The following LPP variants were observed in gnomAD, a reference collection of about 807,000 sequenced individuals.
LPP encodes lipoma-preferred partner.
A neutral mutation model predicts 60.4 loss-of-function variants in LPP; 38 were observed. That is an observed-to-expected ratio of 0.63 (90% CI 0.49 to 0.83). LPP has a LOEUF of 0.83. LPP is among the 40% of genes least tolerant of loss of function. The pLI is 0.00. For synonymous variants in LPP, 328 were observed against 290.8 expected (o/e 1.13, Z -1.30); for missense variants, 902 against 783.6 (o/e 1.15, Z -1.80).
intron 3 of LPP, among the ~76,000 whole-genome samples, chr3:188,350,550 A>G (rs553777662): frequency 2.6e-5 from 4 of 152,292 alleles, no homozygotes; most frequent in Non-Finnish European, 5.9e-5. Context: ...TCTATCTGCA[A>G]AATATGAGCT....
At chr3:188,395,723 C>T (rs939620368) in intron 3 of LPP, among the ~76,000 whole-genome samples, 1 of 150,972 alleles carries the variant, frequency 6.6e-6, no homozygotes, top group Non-Finnish European at 1.5e-5. Flanking sequence ...CCCAGGAGTT[C>T]GAGACTAGTG....
intron 9 of LPP, among the ~76,000 whole-genome samples, chr3:188,845,377 G>A (rs1761134142): frequency 6.6e-6 from 1 of 152,188 alleles, no homozygotes; most frequent in Non-Finnish European, 1.5e-5. Flanking sequence ...GGGGTTATGG[G>A]GGCTGGACAG....
intron 5 of LPP, among the ~76,000 whole-genome samples, chr3:188,512,594 A>AATAG (rs1441186659): frequency 6.6e-6 from 1 of 151,184 alleles, no homozygotes; most frequent in Non-Finnish European, 1.5e-5. Context: ...TAAATAAATA[A>AATAG]AGTTCCCACC....
At chr3:188,351,748 G>A (rs1210026997) in intron 3 of LPP, among the ~76,000 whole-genome samples, 2 of 152,150 alleles carry the variant, frequency 1.3e-5, no homozygotes, top group South Asian at 2.1e-4. Flanking sequence ...CCTAGAACAC[G>A]GGTGTAGGGC....
intron 10 of LPP, among the ~76,000 whole-genome samples, chr3:188,870,754 C>T (rs567557405): frequency 2.0e-5 from 3 of 152,270 alleles, no homozygotes; most frequent in South Asian, 4.1e-4. Context: ...GAATTGCTAT[C>T]GGAGGAACAC....
intron 2 of LPP, among the ~76,000 whole-genome samples, chr3:188,246,017 A>G (rs938205662): frequency 3.3e-5 from 5 of 152,230 alleles, no homozygotes; most frequent in South Asian, 4.1e-4. Context: ...GACTGATACC[A>G]TAAAATCGTG....
intron 7 of LPP, among the ~76,000 whole-genome samples, chr3:188,650,676 G>A (rs1358281137): frequency 2.6e-5 from 4 of 152,118 alleles, no homozygotes; most frequent in African/African-American, 7.2e-5. Flanking sequence ...AAATTGGTTG[G>A]CAGAGCAATA....
At chr3:188,315,200 T>C (rs1754678393) in intron 2 of LPP, among the ~76,000 whole-genome samples, 1 of 152,152 alleles carries the variant, frequency 6.6e-6, no homozygotes, top group Admixed American at 6.5e-5. Flanking sequence ...TGTAAAATAA[T>C]TTCTCATGAT....
At chr3:188,817,697 T>G (rs1317933972) in intron 9 of LPP, among the ~76,000 whole-genome samples, 2 of 152,134 alleles carry the variant, frequency 1.3e-5, no homozygotes, top group African/African-American at 4.8e-5. Context: ...CTGTTTGACT[T>G]TGAAATGGTT....
At chr3:188,423,174 C>G (rs1264693915) in intron 4 of LPP, among the ~76,000 whole-genome samples, 1 of 152,050 alleles carries the variant, frequency 6.6e-6, no homozygotes, top group Non-Finnish European at 1.5e-5. Context: ...TGTTCAGCTC[C>G]CACTTATGAG....
chr3:188,428,598 T>TATATATA (rs200366995), intron 4 of LPP, among the ~76,000 whole-genome samples: 8 of 87,034 alleles, frequency 9.2e-5, no homozygotes, highest in African/African-American at 3.4e-4. Context: ...ATATATATAT[T>TATATATA]TTTTTTTTTT....
intron 6 of LPP, chr3:188,568,089 C>T (rs953876254): frequency 2.6e-5 from 4 of 152,008 alleles, no homozygotes; most frequent in Non-Finnish European, 5.9e-5. Context: ...AATCTTCCAG[C>T]TGCTTGATTT....
intron 9 of LPP, among the ~76,000 whole-genome samples, chr3:188,785,529 T>TA (rs1741461648): frequency 4.3e-5 from 1 of 23,040 alleles, no homozygotes; most frequent in African/African-American, 2.8e-4. Context: ...TATATATATA[T>TA]TCCATCATAT....
chr3:188,567,309 G>T (rs1832403245), intron 6 of LPP, among the ~76,000 whole-genome samples: 1 of 151,782 alleles, frequency 6.6e-6, no homozygotes, highest in East Asian at 1.9e-4. Context: ...ATGATAATAG[G>T]ACCCATCTCA....
chr3:188,650,560 TG>T (rs1334737066), intron 7 of LPP, among the ~76,000 whole-genome samples: 1 of 152,192 alleles, frequency 6.6e-6, no homozygotes, highest in African/African-American at 2.4e-5. Flanking sequence ...CTGTCCTTGT[TG>T]GTTGCATTCT....
rs543917537 is a variant in LPP at position 188,737,137 on chromosome 3, G to A, written c.1241-22976G>A. Among the ~76,000 whole-genome samples the A allele has an allele frequency of 1.3e-4, 20 of 151,932 alleles. 3 individuals carry two copies. The highest frequency in any genetic ancestry group is 3.9e-4 in the African/African-American group (16 of 41,444). ...TAATTTTCCTTAATTTTCAAGTTCC[G>A]TACAATGAACATGTGTTATTTTCAT... On this transcript the variant is annotated intron_variant, in intron 8 of 11. Coordinates refer to ENST00000617246, the MANE Select transcript of LPP (RefSeq NM_001375462.1).
At chr3:188,259,513 G>T (rs746714735) in intron 2 of LPP, among the ~76,000 whole-genome samples, 1 of 152,170 alleles carries the variant, frequency 6.6e-6, no homozygotes, top group African/African-American at 2.4e-5. Context: ...ACTGCATTGA[G>T]CAGGAACACT....
intron 2 of LPP, among the ~76,000 whole-genome samples, chr3:188,312,053 T>C (rs1182201687): frequency 6.6e-6 from 1 of 152,240 alleles, no homozygotes; most frequent in Non-Finnish European, 1.5e-5. Context: ...ATCTTTATTT[T>C]ATCTCTTTAC....
intron 1 of LPP, among the ~76,000 whole-genome samples, chr3:188,194,447 C>T (rs1728987722): frequency 6.6e-6 from 1 of 152,172 alleles, no homozygotes; most frequent in Non-Finnish European, 1.5e-5. Context: ...TGAGCCTCAA[C>T]CATACCATCT....
Sources: gnomAD v4.1 joint callset for allele counts (sites outside exome capture counted in the v4.1 genomes callset) on GRCh38, gnomAD v4.1.1 for gene constraint, MANE v1.5 for transcripts, NCBI Gene and HGNC (gene_info 2026-07-23, HGNC 2026-07-21) for gene names.